GLCE: variants seen among roughly 807,000 people sequenced by gnomAD.
GLCE encodes the protein D-glucuronyl C5-epimerase.
Under a neutral mutation model 47.9 loss-of-function variants are expected in GLCE, and 19 were observed. The ratio of observed to expected loss-of-function variants is 0.40; its 90% CI spans 0.28 to 0.58. The LOEUF (loss-of-function observed/expected upper bound fraction) is 0.58. Ranked by LOEUF, GLCE falls within the 20% of genes least tolerant of loss-of-function variation. The pLI is 0.48. For missense variants in GLCE, 556 were observed against 743.3 expected (o/e 0.75, Z 2.93); for synonymous variants, 245 against 263.4 (o/e 0.93, Z 0.68).
intron 1 of GLCE, among the ~76,000 whole-genome samples, chr15:69,177,855 A>G (rs2051693317): frequency 6.6e-6 from 1 of 152,246 alleles, no homozygotes; most frequent in Non-Finnish European, 1.5e-5. Context: ...ATGGAATTAC[A>G]TAGTATGTAC....
chr15:69,176,340 C>T (rs1438452704), intron 1 of GLCE, among the ~76,000 whole-genome samples: 1 of 149,696 alleles, frequency 6.7e-6, no homozygotes, highest in Non-Finnish European at 1.5e-5. Context: ...TCTCCTGCCT[C>T]AGCCTCCCAA....
chr15:69,162,662 C>G (rs1267372569), intron 1 of GLCE, among the ~76,000 whole-genome samples: 1 of 152,114 alleles, frequency 6.6e-6, no homozygotes, highest in Non-Finnish European at 1.5e-5. Flanking sequence ...GCTCAAGCAG[C>G]CCTCCCAGTT....
intron 1 of GLCE, among the ~76,000 whole-genome samples, chr15:69,177,291 G>A (rs754780071): frequency 1.1e-4 from 17 of 152,122 alleles, no homozygotes; most frequent in Non-Finnish European, 2.4e-4. Flanking sequence ...TCAAACTCCT[G>A]ACTTCAGGTG....
chr15:69,270,196 C>T lies in GLCE; in HGVS notation c.*952C>T, dbSNP rs2053146232. 6.6e-6 allele frequency: 1 copy of T among 152,050 alleles called. No homozygotes were observed. The highest frequency in any genetic ancestry group is 6.6e-5 in the Admixed American group (1 of 15,258). The allele number at this position is 152,050 out of a possible 1,614,324, so 9.4% of individuals were successfully genotyped here. ...TTTTACTTTTTTAGGATTTTTCCCC[C>T]TTTAAATAAAAATATTAGATCAAAT... On this transcript the variant is annotated 3_prime_UTR_variant, in exon 5 of 5. Coordinates refer to ENST00000261858, the MANE Select transcript of GLCE (RefSeq NM_015554.3).
At chr15:69,242,690 A>G (rs1454711348) in intron 2 of GLCE, among the ~76,000 whole-genome samples, 1 of 152,080 alleles carries the variant, frequency 6.6e-6, no homozygotes, top group Non-Finnish European at 1.5e-5. Context: ...GTACTTCTTA[A>G]AATTATTTTT....
intron 1 of GLCE, among the ~76,000 whole-genome samples, chr15:69,188,447 C>T (rs8028031): frequency 0.014 from 2,204 of 152,220 alleles, 64 homozygotes; most frequent in African/African-American, 0.051. Flanking sequence ...AGTGTTCTCT[C>T]TTCTTCAATT....
rs1595795557 is a variant in GLCE, at chr15:69,269,498, C to T, written c.*254C>T. 2 of 504,994 alleles carry T rather than the reference C, an allele frequency of 4.0e-6. No individual in the cohort carries two copies. Among genetic ancestry groups the T allele is most frequent in the East Asian group, 3.4e-5 (1 of 29,446 alleles). The allele number at this position is 504,994 out of a possible 1,614,324, so 31.3% of individuals were successfully genotyped here. A position where few individuals can be genotyped will look rare whatever the true frequency, so the allele number is the denominator to read the frequency against. On this transcript the variant is annotated 3_prime_UTR_variant, in exon 5 of 5. Transcript: ENST00000261858. ...ACAAAGATGCTTCACTTTGCCTTGC[C>T]CATCACCCTATACAGTTTCGCAGAT... is the stretch of plus-strand genomic sequence containing the variant.
Position 69,269,027 on chromosome 15 carries a change from A to G in GLCE, c.1637A>G (p.Lys546Arg). Reference sequence around the variant, plus strand: ...TATGAGCGTGGCATGGAATCTCTTAAAGCCATGCTGCCCTTGTATGACACT... The same window carrying G: ...TATGAGCGTGGCATGGAATCTCTTAGAGCCATGCTGCCCTTGTATGACACT... The part of the protein sequence containing the change: ...SLYERGMESL[K>R]AMLPLYDTGS... Residue 546 changes from lysine to arginine, a missense_variant, in exon 5 of 5, where the codon AAA becomes AGA. Lys to Arg is a conservative substitution (Grantham distance 26, BLOSUM62 2). Around this residue, in one of 3 missense-constraint regions of GLCE, gnomAD observed 245 missense variants for 368.1 expected, o/e 0.67. Transcript: ENST00000261858. 1 of 1,614,088 alleles carries G rather than the reference A, an allele frequency of 6.2e-7. No homozygotes were observed. The highest frequency in any genetic ancestry group is 2.2e-5 in the East Asian group (1 of 44,902).
intron 2 of GLCE, among the ~76,000 whole-genome samples, chr15:69,237,564 C>A (rs543470588): frequency 6.6e-6 from 1 of 152,054 alleles, no homozygotes; most frequent in East Asian, 1.9e-4. Context: ...TGCCACTGCA[C>A]TCCAGCCCAG....
intron 1 of GLCE, among the ~76,000 whole-genome samples, chr15:69,176,226 T>TTG (rs2051662148): frequency 7.3e-6 from 1 of 137,062 alleles, no homozygotes; most frequent in Admixed American, 7.5e-5. Flanking sequence ...GTTTTTTTTT[T>TTG]TTTTTTTTTT....
chr15:69,233,714 A>G (rs369372345), intron 2 of GLCE, among the ~76,000 whole-genome samples: 1 of 152,210 alleles, frequency 6.6e-6, no homozygotes, highest in South Asian at 2.1e-4. Flanking sequence ...TTTAGGGACC[A>G]TAGCTACTTT....
chr15:69,227,291 G>T (rs900941976), intron 2 of GLCE, among the ~76,000 whole-genome samples: 1 of 152,222 alleles, frequency 6.6e-6, no homozygotes, highest in South Asian at 2.1e-4. Flanking sequence ...TATAGAAAGG[G>T]TATCCAGATA....
At chr15:69,200,736 A>G (rs1352135021) in intron 1 of GLCE, among the ~76,000 whole-genome samples, 3 of 152,148 alleles carry the variant, frequency 2.0e-5, no homozygotes, top group Admixed American at 6.6e-5. Flanking sequence ...TTAGTTTTCT[A>G]TTGCTACCAT....
At chr15:69,249,085 A>G (rs1370444063) in intron 2 of GLCE, among the ~76,000 whole-genome samples, 1 of 152,222 alleles carries the variant, frequency 6.6e-6, no homozygotes, top group Non-Finnish European at 1.5e-5. Context: ...GAGAACTGGT[A>G]TTTTAGATAA....
intron 2 of GLCE, among the ~76,000 whole-genome samples, chr15:69,250,825 A>G (rs1308846540): frequency 6.7e-6 from 1 of 149,884 alleles, no homozygotes; most frequent in Non-Finnish European, 1.5e-5. Context: ...AAAAAAAAAC[A>G]GCGTGGTCAT....
chr15:69,200,037 C>T (rs1476176435), intron 1 of GLCE, among the ~76,000 whole-genome samples: 1 of 151,998 alleles, frequency 6.6e-6, no homozygotes, highest in Non-Finnish European at 1.5e-5. Context: ...ATATGCAGAG[C>T]AAAGACTTCC....
rs1455136196 is a variant in GLCE at position 69,271,045 on chromosome 15, G to C, written c.*1801G>C. Reference sequence around the variant, plus strand: ...CCCATATTTGTTATTATTTAGAATGGTTCATACGTCTGCTTTGTTTGCATA... The same window carrying C: ...CCCATATTTGTTATTATTTAGAATGCTTCATACGTCTGCTTTGTTTGCATA... On this transcript the variant is annotated 3_prime_UTR_variant, in exon 5 of 5. Coordinates refer to ENST00000261858, the MANE Select transcript of GLCE (RefSeq NM_015554.3). The C allele has an allele frequency of 2.6e-5, 4 of 152,638 alleles. No homozygotes were observed. Among genetic ancestry groups the C allele is most frequent in the Middle Eastern group, 3.4e-3 (1 of 294 alleles). 9.5% of individuals were successfully genotyped at this position (152,638 alleles called of 1,614,324 possible).
intron 2 of GLCE, among the ~76,000 whole-genome samples, chr15:69,228,399 G>T (rs1309534797): frequency 6.6e-6 from 1 of 152,190 alleles, no homozygotes; most frequent in Non-Finnish European, 1.5e-5. Flanking sequence ...TAAAGTGATA[G>T]AAGTACTGAT....
chr15:69,259,292 A>G (rs927661430), intron 3 of GLCE, among the ~76,000 whole-genome samples: 6 of 152,130 alleles, frequency 3.9e-5, no homozygotes, highest in African/African-American at 1.4e-4. Flanking sequence ...TGTTTCTTCA[A>G]TCTGGTTGTC....
Sources: gnomAD v4.1 joint callset for allele counts (sites outside exome capture counted in the v4.1 genomes callset) on GRCh38, gnomAD v4.1.1 for gene constraint, gnomAD v4.1.1 regional missense constraint, MANE v1.5 for transcripts, NCBI Gene and HGNC (gene_info 2026-07-23, HGNC 2026-07-21) for gene names.